The following GTF2F2 variants were observed in gnomAD, a reference collection of about 807,000 sequenced individuals.
The protein encoded by GTF2F2 is general transcription factor IIF subunit 2, also known as ATP-dependent helicase GTF2F2.
A neutral mutation model predicts 42.2 loss-of-function variants in GTF2F2; 23 were observed. That is an observed-to-expected ratio of 0.55 (90% CI 0.39 to 0.77). GTF2F2 has a LOEUF of 0.77. GTF2F2 is among the 30% of genes least tolerant of loss of function. The pLI is 0.00. For missense variants in GTF2F2, 261 were observed against 287.2 expected (o/e 0.91, Z 0.66); for synonymous variants, 105 against 100.8 (o/e 1.04, Z -0.25).
intron 5 of GTF2F2, among the ~76,000 whole-genome samples, chr13:45,228,234 C>T (rs377303716): frequency 3.3e-4 from 44 of 134,290 alleles, no homozygotes; most frequent in East Asian, 1.6e-3. Context: ...CCCTAAACAC[C>T]AGTCTCTGCT....
intron 4 of GTF2F2, among the ~76,000 whole-genome samples, chr13:45,182,194 A>C (rs1037166093): frequency 7.9e-5 from 12 of 152,126 alleles, no homozygotes; most frequent in African/African-American, 2.9e-4. Flanking sequence ...TCTGTTGCCC[A>C]GGCTGGAGTA....
At position 45,238,542 on chromosome 13, in the gene GTF2F2, C is replaced by T. The variant is rs576669033; in HGVS notation, c.387-14329C>T. 2.0e-5 allele frequency among the ~76,000 whole-genome samples: 3 copies of T among 152,226 alleles called. No homozygotes were observed. In the East Asian group the frequency reaches 5.8e-4, roughly 29 times the overall value. ...CCCTCCCTCTTCCCACTCCCTTGTT[C>T]CTCTTCCCTGTCACACACACATTTA... is the stretch of plus-strand genomic sequence containing the variant. On this transcript the variant is annotated intron_variant, in intron 5 of 7. Transcript: ENST00000340473.
chr13:45,144,535 G>A (rs1870097414), intron 2 of GTF2F2, among the ~76,000 whole-genome samples: 1 of 146,404 alleles, frequency 6.8e-6, no homozygotes, highest in African/African-American at 2.6e-5. Flanking sequence ...ATCTCGGCTT[G>A]GGTTCACGCC....
intron 5 of GTF2F2, among the ~76,000 whole-genome samples, chr13:45,231,232 C>T (rs574672077): frequency 4.6e-5 from 7 of 152,026 alleles, no homozygotes; most frequent in Non-Finnish European, 8.8e-5. Flanking sequence ...CTCAGCCTCC[C>T]GAGTAGCTGG....
rs765883807 is a variant in GTF2F2 at position 45,243,520 on chromosome 13, C to T, written c.387-9351C>T. Among the ~76,000 whole-genome samples the T allele has an allele frequency of 2.4e-4, 37 of 152,166 alleles. 1 individual carries two copies. The highest frequency in any genetic ancestry group is 2.1e-4 in the South Asian group (1 of 4,832). The stretch of plus-strand genomic sequence containing the variant: ...AAAATTGTCTTCCACAAAACCAGTC[C>T]CTGGTGCCAAAAAGGTTGTGGGACC... On this transcript the variant is annotated intron_variant, in intron 5 of 7. Coordinates refer to ENST00000340473, the MANE Select transcript of GTF2F2 (RefSeq NM_004128.3).
At chr13:45,256,385 A>G (rs1015158200) in intron 6 of GTF2F2, among the ~76,000 whole-genome samples, 1 of 152,162 alleles carries the variant, frequency 6.6e-6, no homozygotes, top group Non-Finnish European at 1.5e-5. Flanking sequence ...CAAACATGTT[A>G]TATTCTGAAC....
intron 4 of GTF2F2, among the ~76,000 whole-genome samples, chr13:45,184,153 C>T (rs1049083475): frequency 6.6e-6 from 1 of 152,052 alleles, no homozygotes; most frequent in Admixed American, 6.5e-5. Flanking sequence ...ATTCTTTTGG[C>T]TCATTCACAT....
At chr13:45,268,178 A>G (rs536665452) in intron 7 of GTF2F2, among the ~76,000 whole-genome samples, 49 of 152,280 alleles carry the variant, frequency 3.2e-4, no homozygotes, top group Middle Eastern at 6.8e-3. Context: ...AGAAAATTGA[A>G]TGGAAACCCT....
At chr13:45,169,444 G>A (rs1483630972) in intron 4 of GTF2F2, among the ~76,000 whole-genome samples, 2 of 152,140 alleles carry the variant, frequency 1.3e-5, no homozygotes, top group African/African-American at 2.4e-5. Flanking sequence ...TCAGCCCCCA[G>A]TACTATGAGA....
chr13:45,154,047 G>A (rs1294920015), intron 4 of GTF2F2, among the ~76,000 whole-genome samples: 2 of 150,356 alleles, frequency 1.3e-5, no homozygotes, highest in African/African-American at 2.4e-5. Context: ...TTTGATTGAT[G>A]AGATTTAATA....
intron 5 of GTF2F2, among the ~76,000 whole-genome samples, chr13:45,228,304 A>T (rs1190621598): frequency 4.6e-5 from 3 of 65,462 alleles, no homozygotes; most frequent in African/African-American, 2.0e-4. Flanking sequence ...TTTTTTGGAG[A>T]CGGAGTTTCA....
intron 4 of GTF2F2, among the ~76,000 whole-genome samples, chr13:45,175,135 C>G (rs1411777272): frequency 6.6e-6 from 1 of 152,200 alleles, no homozygotes; most frequent in Non-Finnish European, 1.5e-5. Context: ...AATCACTATT[C>G]TATCTCCTTC....
At chr13:45,127,013 T>G (rs985863275) in intron 1 of GTF2F2, among the ~76,000 whole-genome samples, 1 of 152,208 alleles carries the variant, frequency 6.6e-6, no homozygotes, top group African/African-American at 2.4e-5. Flanking sequence ...ATGTTGACAG[T>G]GGTGTTTTGG....
intron 5 of GTF2F2, among the ~76,000 whole-genome samples, chr13:45,239,144 G>A (rs1875152842): frequency 6.6e-6 from 1 of 152,120 alleles, no homozygotes; most frequent in African/African-American, 2.4e-5. Context: ...TTGGGCATCT[G>A]TGTGCTTGCT....
chr13:45,277,768 G>T (rs1318317922), intron 7 of GTF2F2, among the ~76,000 whole-genome samples: 1 of 152,192 alleles, frequency 6.6e-6, no homozygotes, highest in African/African-American at 2.4e-5. Flanking sequence ...AATTATCACA[G>T]AATCGATAAT....
chr13:45,131,977 CT>C (rs1869381068), intron 1 of GTF2F2, among the ~76,000 whole-genome samples: 1 of 150,004 alleles, frequency 6.7e-6, no homozygotes, highest in South Asian at 2.1e-4. Flanking sequence ...ATTATTAAGT[CT>C]GCCCTTTCCA....
chr13:45,251,148 A>G (rs754509574), intron 5 of GTF2F2, among the ~76,000 whole-genome samples: 1 of 152,320 alleles, frequency 6.6e-6, no homozygotes, highest in South Asian at 2.1e-4. Flanking sequence ...TGAAAAGGCA[A>G]TTGGTAAATA....
At chr13:45,231,190 C>G (rs139018461) in intron 5 of GTF2F2, among the ~76,000 whole-genome samples, 2,247 of 152,246 alleles carry the variant, frequency 0.015, 29 homozygotes, top group Non-Finnish European at 0.022. Flanking sequence ...TTACTGCAAC[C>G]TCTGCCTCCC....
intron 4 of GTF2F2, among the ~76,000 whole-genome samples, chr13:45,197,087 T>C (rs922347281): frequency 2.6e-5 from 4 of 151,934 alleles, no homozygotes; most frequent in African/African-American, 9.7e-5. Flanking sequence ...ATGTGTGATT[T>C]CTTTGCCACC....
Sources: gnomAD v4.1 joint callset for allele counts (sites outside exome capture counted in the v4.1 genomes callset) on GRCh38, gnomAD v4.1.1 for gene constraint, MANE v1.5 for transcripts, NCBI Gene and HGNC (gene_info 2026-07-23, HGNC 2026-07-21) for gene names.